Variants in ESRRG observed in about 807,000 individuals in gnomAD.
The protein encoded by ESRRG is estrogen-related receptor gamma.
Under a neutral mutation model 44.0 loss-of-function variants are expected in ESRRG, and 13 were observed. The ratio of observed to expected loss-of-function variants is 0.30; its 90% CI spans 0.19 to 0.47. The LOEUF is 0.47. ESRRG is among the 20% of genes least tolerant of loss of function. ESRRG has a pLI of 1.00. For synonymous variants in ESRRG, 215 were observed against 214.6 expected, an observed-to-expected ratio of 1.00 and a Z score of -0.02; for missense variants, 395 against 580.6, an observed-to-expected ratio of 0.68 and a Z score of 3.29.
intron 5 of ESRRG, among the ~76,000 whole-genome samples, chr1:216,522,936 G>T (rs1314219716): frequency 6.6e-6 from 1 of 152,074 alleles, no homozygotes; most frequent in Non-Finnish European, 1.5e-5. Context: ...CAAGTTAGAG[G>T]TCTTCATCAT....
At chr1:217,091,806 T>C (rs2092349744), upstream of ESRRG, among the ~76,000 whole-genome samples, 1 of 152,196 alleles carries the variant, frequency 6.6e-6, no homozygotes, top group Admixed American at 6.5e-5. Flanking sequence ...ATTGGTAACT[T>C]TCCAGTAACT....
chr1:217,015,343 CA>C (rs1328742118), intron 1 of ESRRG, among the ~76,000 whole-genome samples: 7 of 152,154 alleles, frequency 4.6e-5, no homozygotes, highest in Non-Finnish European at 7.4e-5. Flanking sequence ...GCTGGAAAAG[CA>C]AAATTTCACC....
At chr1:217,025,104 C>G (rs973070150) in intron 1 of ESRRG, among the ~76,000 whole-genome samples, 2 of 152,160 alleles carry the variant, frequency 1.3e-5, no homozygotes, top group African/African-American at 4.8e-5. Context: ...AGGAGCAATG[C>G]TGAAGCCAAA....
At chr1:216,644,728 C>T (rs1028130008) in intron 3 of ESRRG, among the ~76,000 whole-genome samples, 23 of 151,988 alleles carry the variant, frequency 1.5e-4, no homozygotes, top group African/African-American at 4.1e-4. Flanking sequence ...TGAGCCACTG[C>T]GCCTGGCTGA....
intron 5 of ESRRG, among the ~76,000 whole-genome samples, chr1:216,542,566 A>G (rs2053218675): frequency 6.6e-6 from 1 of 151,988 alleles, no homozygotes; most frequent in East Asian, 1.9e-4. Flanking sequence ...ATATTCAGAA[A>G]ACTATTATTT....
At chr1:216,534,099 A>C (rs2050193031) in intron 5 of ESRRG, among the ~76,000 whole-genome samples, 1 of 152,078 alleles carries the variant, frequency 6.6e-6, no homozygotes, top group Admixed American at 6.6e-5. Flanking sequence ...TACACACACA[A>C]ATGCAGGCAC....
intron 2 of ESRRG, among the ~76,000 whole-genome samples, chr1:216,897,068 A>G (rs1474850960): frequency 2.0e-5 from 3 of 152,122 alleles, no homozygotes; most frequent in Non-Finnish European, 4.4e-5. Context: ...AGATGAGAAG[A>G]GTTTAAGTTT....
chr1:216,589,241 A>C (rs2057230357), intron 3 of ESRRG, among the ~76,000 whole-genome samples: 1 of 152,220 alleles, frequency 6.6e-6, no homozygotes, highest in Non-Finnish European at 1.5e-5. Flanking sequence ...TTTGCTTTGC[A>C]GGACGTAGAA....
intron 1 of ESRRG, among the ~76,000 whole-genome samples, chr1:216,998,176 C>A (rs1355360312): frequency 1.3e-5 from 2 of 152,038 alleles, no homozygotes; most frequent in African/African-American, 2.4e-5. Flanking sequence ...AAACAAAGAC[C>A]CTGTTTTCAA....
chr1:216,594,480 G>A (rs1002400114), intron 3 of ESRRG, among the ~76,000 whole-genome samples: 2 of 152,110 alleles, frequency 1.3e-5, no homozygotes, highest in Admixed American at 1.3e-4. Flanking sequence ...ACTCTAGAGG[G>A]AAGACTTTAG....
chr1:216,679,445 T>C (rs1356157560), intron 1 of ESRRG, among the ~76,000 whole-genome samples: 1 of 152,116 alleles, frequency 6.6e-6, no homozygotes, highest in Non-Finnish European at 1.5e-5. Flanking sequence ...CTTCACTTAT[T>C]ACCTTATAAT....
intron 3 of ESRRG, among the ~76,000 whole-genome samples, chr1:216,593,363 T>C (rs2057979731): frequency 1.3e-5 from 2 of 152,224 alleles, no homozygotes; most frequent in South Asian, 4.1e-4. Context: ...AACTTTACTG[T>C]TTTAATTAAA....
intron 1 of ESRRG, among the ~76,000 whole-genome samples, chr1:216,991,518 C>A (rs2075692284): frequency 6.6e-6 from 1 of 152,012 alleles, no homozygotes. Context: ...GTTTACACAT[C>A]TGATGGGGGA....
chr1:216,735,987 A>AAAAAAAATATAT (rs1453476198), intron 2 of ESRRG, among the ~76,000 whole-genome samples: 87 of 137,106 alleles, frequency 6.3e-4, no homozygotes, highest in African/African-American at 2.2e-3. Flanking sequence ...CTCAAAAAAA[A>AAAAAAAATATAT]ATATATATAT....
At chr1:216,635,807 A>G (rs186493502) in intron 3 of ESRRG, among the ~76,000 whole-genome samples, 31 of 152,194 alleles carry the variant, frequency 2.0e-4, no homozygotes, top group Middle Eastern at 6.8e-3. Context: ...ATGTGAAGAC[A>G]ACCTAAGCCT....
intron 3 of ESRRG, among the ~76,000 whole-genome samples, chr1:216,617,977 G>A (rs2061648083): frequency 6.6e-6 from 1 of 152,046 alleles, no homozygotes; most frequent in South Asian, 2.1e-4. Context: ...ATATTTTACG[G>A]TAATGCTTCA....
At chr1:216,882,117 T>A (rs1221065529) in intron 2 of ESRRG, among the ~76,000 whole-genome samples, 1 of 152,202 alleles carries the variant, frequency 6.6e-6, no homozygotes, top group Non-Finnish European at 1.5e-5. Flanking sequence ...GTGGGCATTA[T>A]AATTATAACC....
intron 1 of ESRRG, among the ~76,000 whole-genome samples, chr1:216,984,055 G>T (rs1011640167): frequency 8.0e-5 from 12 of 149,616 alleles, no homozygotes; most frequent in Non-Finnish European, 1.2e-4. Context: ...GAATGGGGGG[G>T]GGTATGTGGA....
intron 3 of ESRRG, among the ~76,000 whole-genome samples, chr1:216,613,327 C>T (rs573487643): frequency 6.6e-6 from 1 of 152,058 alleles, no homozygotes; most frequent in East Asian, 1.9e-4. Context: ...TTTATGAAAC[C>T]CTATACCACT....
Sources: allele counts gnomAD v4.1 joint callset (sites outside exome capture counted in the v4.1 genomes callset), GRCh38; gene constraint gnomAD v4.1.1; transcripts MANE v1.5; gene names NCBI Gene and HGNC (gene_info 2026-07-23, HGNC 2026-07-21).